Variants in ROBO3 observed in about 807,000 individuals in gnomAD.
ROBO3 encodes the protein roundabout homolog 3.
In ROBO3, 97 loss-of-function variants were observed where a neutral mutation model predicts 160.5. The ratio of observed to expected loss-of-function variants is 0.60; its 90% CI spans 0.51 to 0.72. ROBO3 has a LOEUF of 0.72. Among genes scored for constraint, ROBO3 ranks in the 30% least tolerant of loss-of-function variants. The probability of loss-of-function intolerance (pLI) is 0.00; values close to 1 mark genes in which losing one functional copy is unlikely to be tolerated. For synonymous variants in ROBO3, 780 were observed against 746.2 expected (o/e 1.05, Z -0.74); for missense variants, 1,858 against 1,846.5 (o/e 1.01, Z -0.11).
In ROBO3 at chr11:124,869,250, G is replaced by C; in HGVS notation, c.487+122G>C. 1 of 1,203,216 alleles carries C rather than the reference G, an allele frequency of 8.3e-7. No individual in the cohort carries two copies. Among genetic ancestry groups the C allele is most frequent in the Non-Finnish European group, 1.2e-6 (1 of 843,266 alleles). 74.5% of individuals were successfully genotyped at this position (1,203,216 alleles called of 1,614,324 possible). Reference sequence around the variant, plus strand: ...CAGCCCACTCAGCATCCTTCTTTGGGACCGCGACCTTTGATCTCTAATGGC... The same window carrying C: ...CAGCCCACTCAGCATCCTTCTTTGGCACCGCGACCTTTGATCTCTAATGGC... On this transcript the variant is annotated intron_variant, in intron 2 of 27. Transcript: ENST00000397801. The surrounding 1 kb of genome is among the most constrained non-coding windows in gnomAD (Gnocchi z 4.2).
chr11:124,871,279 G>A, intron 7 of ROBO3, 141 bp downstream of exon 7: 1 of 1,003,370 alleles, frequency 1.0e-6, no homozygotes, highest in Non-Finnish European at 1.4e-6. Flanking sequence ...TTATTTGAGA[G>A]GATTAAGTAA....
At position 124,876,849 on chromosome 11, in the gene ROBO3, G is replaced by T; in HGVS notation, c.2780-312G>T. 1.8e-6 allele frequency: 1 copy of T among 564,882 alleles called. No homozygotes were observed. The highest frequency in any genetic ancestry group is 3.1e-6 in the Non-Finnish European group (1 of 317,726). The allele number at this position is 564,882 out of a possible 1,614,324, so 35.0% of individuals were successfully genotyped here. On this transcript the variant is annotated intron_variant, in intron 17 of 27. Transcript: ENST00000397801. The surrounding 1 kb of genome is among the most constrained non-coding windows in gnomAD (Gnocchi z 5.3). ...TTGTGCGGCGGGGTCTGGATGGAAA[G>T]GCGGGGCCCGCTGAAAGAAGGCGAT...
Position 124,878,529 on chromosome 11 carries a change from G to A in ROBO3, c.3321-55G>A. Reference sequence around the variant, plus strand: ...GGAGGGGGCAGCAGGAAGGCCAACGGGAAGGTATGGAAGCAGCTGAGCCCT... The same window carrying A: ...GGAGGGGGCAGCAGGAAGGCCAACGAGAAGGTATGGAAGCAGCTGAGCCCT... On this transcript the variant is annotated intron_variant, in intron 22 of 27. Coordinates refer to ENST00000397801, the MANE Select transcript of ROBO3 (RefSeq NM_022370.4). This position sits in a 1 kb window ranked among gnomAD's most constrained non-coding sequence, Gnocchi z 4.3. 1 of 1,600,406 alleles carries A rather than the reference G, an allele frequency of 6.2e-7. No homozygotes were observed. The highest frequency in any genetic ancestry group is 8.5e-7 in the Non-Finnish European group (1 of 1,171,378).
rs908587897 is a variant in ROBO3, at chr11:124,877,423, C to G, written c.2847-96C>G. The G allele has an allele frequency of 5.1e-5, 81 of 1,590,146 alleles. No individual in the cohort carries two copies. The East Asian group carries it at 1.7e-3, about 34-fold the overall frequency. On this transcript the variant is annotated intron_variant, in intron 19 of 27. Coordinates refer to ENST00000397801, the MANE Select transcript of ROBO3 (RefSeq NM_022370.4). ...TGGCCACCTCCCACCCCAACACCAC[C>G]GCCACTGTCCTGAAACTCCCGAATA...
In ROBO3 at chr11:124,875,392, G is replaced by C. The variant is rs142193878; in HGVS notation, c.2299+56G>C. The stretch of plus-strand genomic sequence containing the variant: ...CAAGAGGGAAGAAGGGGTGGGGGTG[G>C]AGGTGGAGGGGGGATGAAAATTTGC... On this transcript the variant is annotated intron_variant, in intron 14 of 27. Transcript: ENST00000397801. The C allele has an allele frequency of 3.0e-4, 284 of 932,756 alleles. No individual in the cohort carries two copies. The African/African-American group carries it at 4.3e-3, about 14-fold the overall frequency. The allele number at this position is 932,756 out of a possible 1,614,324, so 57.8% of individuals were successfully genotyped here. A position where few individuals can be genotyped will look rare whatever the true frequency, so the allele number is the denominator to read the frequency against.
chr11:124,869,429 G>GCGCCCCC lies in ROBO3; in HGVS notation c.488-20_488-19insGCCCCCC. The GCGCCCCC allele has an allele frequency of 7.7e-7, 1 of 1,295,762 alleles. No homozygotes were observed. The highest frequency in any genetic ancestry group is 1.1e-6 in the Non-Finnish European group (1 of 929,940). The allele number at this position is 1,295,762 out of a possible 1,614,324, so 80.3% of individuals were successfully genotyped here. ...TGTCACTCTACACCCTGCTTATTTC[G>GCGCCCCC]CCCCCCACCGCCCCGCCCAGTCCTC... is the stretch of plus-strand genomic sequence containing the variant. On this transcript the variant is annotated intron_variant, in intron 2 of 27. Transcript: ENST00000397801. This position sits in a 1 kb window ranked among gnomAD's most constrained non-coding sequence, Gnocchi z 4.2.
chr11:124,870,372 G>C (rs749315447), intron 5 of ROBO3, 69 bp downstream of exon 5: 2 of 1,546,944 alleles, frequency 1.3e-6, no homozygotes, highest in Non-Finnish European at 1.7e-6. Context: ...CTAGAAAACC[G>C]GAAGACAGGC....
chr11:124,869,474 C>T lies in ROBO3; in HGVS notation c.512C>T (p.Ser171Phe). ...VAVLRDDFRQ[S>F]PGNVVVAVGE... ...GTCCTCCGTGATGATTTCCGGCAGT[C>T]TCCTGGAAACGTGGTGGTGGCAGTG... The change falls in exon 3 of 28, where the codon TCT becomes TTT. Residue 171 changes from serine (S) to phenylalanine (F), a missense_variant. Coordinates refer to ENST00000397801, the MANE Select transcript of ROBO3 (RefSeq NM_022370.4). This position sits in a 1 kb window ranked among gnomAD's most constrained non-coding sequence, Gnocchi z 4.2. The T allele has an allele frequency of 6.8e-7, 1 of 1,463,104 alleles. No individual in the cohort carries two copies. The allele number at this position is 1,463,104 out of a possible 1,614,324, so 90.6% of individuals were successfully genotyped here.
chr11:124,880,764 G>A (rs906029117), intron 27 of ROBO3, among the ~76,000 whole-genome samples, 156 bp downstream of exon 27: 1 of 152,176 alleles, frequency 6.6e-6, no homozygotes, highest in Non-Finnish European at 1.5e-5. Context: ...CTGTAGAAGT[G>A]ACAAGGGGAC....
Position 124,869,997 on chromosome 11 carries a change from G to C in ROBO3, c.695G>C (p.Gly232Ala), listed in dbSNP as rs368285913. The change falls in exon 4 of 28, where the codon GGC (glycine) becomes GCC (alanine). Residue 232 changes from glycine (G) to alanine (A), a missense_variant. By Grantham distance (60) the Gly-to-Ala change is moderately conservative. Coordinates refer to ENST00000397801, the MANE Select transcript of ROBO3 (RefSeq NM_022370.4). This position sits in a 1 kb window ranked among gnomAD's most constrained non-coding sequence, Gnocchi z 4.2. ...TCACATACACTCAAGAGCGATGCAG[G>C]CATGTATGTGTGCGTAGCCTCCAAC... ...MMSHTLKSDAGMYVCVASNMA... is the reference protein window; with the variant it reads ...MMSHTLKSDAAMYVCVASNMA... 5.6e-6 allele frequency: 9 copies of C among 1,613,850 alleles called. No individual in the cohort carries two copies. The highest frequency in any genetic ancestry group is 7.6e-6 in the Non-Finnish European group (9 of 1,179,782).
In ROBO3 at chr11:124,881,329, G is replaced by T; in HGVS notation, c.*79G>T. The T allele has an allele frequency of 7.1e-7, 1 of 1,400,668 alleles. No homozygotes were observed. The highest frequency in any genetic ancestry group is 9.9e-7 in the Non-Finnish European group (1 of 1,006,836). The allele number at this position is 1,400,668 out of a possible 1,614,324, so 86.8% of individuals were successfully genotyped here. A position where few individuals can be genotyped will look rare whatever the true frequency, so the allele number is the denominator to read the frequency against. On this transcript the variant is annotated 3_prime_UTR_variant, in exon 28 of 28. Transcript: ENST00000397801. ...ATGTCTTTTCCCCCCCAGCAGTGAT[G>T]AGTGGGGCTAGCTGAAGCCCATTGG...
At position 124,876,299 on chromosome 11, in the gene ROBO3, G is replaced by T; in HGVS notation, c.2618G>T (p.Gly873Val). ...GCGTCCCCGCCGGACCTGGAGCCCG[G>T]GCTGGAGGTGGGCGCGGGGCTGGCG... ...QLPSPPDLEP[G>V]LEVGAGLAVR... Residue 873 changes from glycine to valine, a missense_variant, in exon 17 of 28, where the codon GGG (glycine) becomes GTG (valine). Coordinates refer to ENST00000397801, the MANE Select transcript of ROBO3 (RefSeq NM_022370.4). The surrounding 1 kb of genome is among the most constrained non-coding windows in gnomAD (Gnocchi z 5.3). The T allele has an allele frequency of 1.4e-6, 2 of 1,458,722 alleles. No individual in the cohort carries two copies. The highest frequency in any genetic ancestry group is 1.8e-6 in the Non-Finnish European group (2 of 1,118,170). The allele number at this position is 1,458,722 out of a possible 1,614,324, so 90.4% of individuals were successfully genotyped here.
Position 124,878,553 on chromosome 11 carries a change from C to G in ROBO3, c.3321-31C>G. ...GGGAAGGTATGGAAGCAGCTGAGCC[C>G]TTTCCTTCTCTCCTGCCTCTTTGAT... On this transcript the variant is annotated intron_variant, in intron 22 of 27. Transcript: ENST00000397801. This position sits in a 1 kb window ranked among gnomAD's most constrained non-coding sequence, Gnocchi z 4.3. 6.2e-7 allele frequency: 1 copy of G among 1,605,870 alleles called. No homozygotes were observed. The highest frequency in any genetic ancestry group is 8.5e-7 in the Non-Finnish European group (1 of 1,175,800).
rs757448201 is a variant in ROBO3, at chr11:124,877,959, A to G, written c.3009A>G (p.Leu1003=). ...CAGAAGCGGGAATCTCCCTGTATCT[A>G]GCTCAGACGGCCAGGGGCACGGCCG... ...YYNEAGISLY[L]AQTARGTAAP... The change falls in exon 21 of 28, where the codon CTA becomes CTG. Residue 1003 remains leucine, a synonymous_variant. Transcript: ENST00000397801. The G allele has an allele frequency of 6.2e-7, 1 of 1,608,006 alleles. No individual in the cohort carries two copies. Among genetic ancestry groups the G allele is most frequent in the East Asian group, 2.2e-5 (1 of 44,740 alleles).
rs534006028 is a variant in ROBO3, at chr11:124,881,418, C to G, written c.*168C>G. The stretch of plus-strand genomic sequence containing the variant: ...GCTCCTCCCTTTCTTTCTTTTTCCA[C>G]CTGAGACTTGTTTATAAAAAACAAA... On this transcript the variant is annotated 3_prime_UTR_variant, in exon 28 of 28. Transcript: ENST00000397801. The G allele has an allele frequency of 1.4e-5, 9 of 649,672 alleles. No individual in the cohort carries two copies. In the East Asian group the frequency reaches 2.2e-4, roughly 16 times the overall value. 40.2% of individuals were successfully genotyped at this position (649,672 alleles called of 1,614,324 possible). A position where few individuals can be genotyped will look rare whatever the true frequency, so the allele number is the denominator to read the frequency against.
At chr11:124,868,429 G>A in intron 1 of ROBO3, 1 of 558,578 alleles carries the variant, frequency 1.8e-6, no homozygotes, top group Non-Finnish European at 3.2e-6. Context: ...TGCAGGTGGA[G>A]ATGGAAACCA....
At chr11:124,879,132 A>T in intron 23 of ROBO3, 58 bp from the exon 24 acceptor site, 5 of 1,522,164 alleles carry the variant, frequency 3.3e-6, no homozygotes, top group Non-Finnish European at 4.4e-6. Flanking sequence ...TGCCAGGCAC[A>T]TAGTAGGCAT....
chr11:124,872,327 T>G lies in ROBO3; in HGVS notation c.1159-54T>G. On this transcript the variant is annotated intron_variant, in intron 7 of 27. Coordinates refer to ENST00000397801, the MANE Select transcript of ROBO3 (RefSeq NM_022370.4). The surrounding 1 kb of genome is among the most constrained non-coding windows in gnomAD (Gnocchi z 4.3). ...TGAGATTGACAGGAATGGGGACCTCTCCCTGCCCAGCTGCCTGCTCATTCC... is the reference window on the plus strand; with the variant it reads ...TGAGATTGACAGGAATGGGGACCTCGCCCTGCCCAGCTGCCTGCTCATTCC... 1 of 1,530,178 alleles carries G rather than the reference T, an allele frequency of 6.5e-7. No individual in the cohort carries two copies. Among genetic ancestry groups the G allele is most frequent in the Non-Finnish European group, 9.1e-7 (1 of 1,103,896 alleles). 94.8% of individuals were successfully genotyped at this position (1,530,178 alleles called of 1,614,324 possible).
Position 124,874,775 on chromosome 11 carries a change from C to T in ROBO3, c.1952-13C>T, listed in dbSNP as rs1946328243. 2 of 1,603,708 alleles carry T rather than the reference C, an allele frequency of 1.2e-6. No individual in the cohort carries two copies. The highest frequency in any genetic ancestry group is 1.7e-6 in the Non-Finnish European group (2 of 1,175,280). ...CCTGGTGGCCTCTGCTGAATGGGTT[C>T]CTTGGTCAACAGATAGCAGCCCCTC... is the stretch of plus-strand genomic sequence containing the variant. On this transcript the variant is annotated splice_polypyrimidine_tract_variant and intron_variant, in intron 12 of 27. Coordinates refer to ENST00000397801, the MANE Select transcript of ROBO3 (RefSeq NM_022370.4).
Sources: allele counts gnomAD v4.1 joint callset (sites outside exome capture counted in the v4.1 genomes callset), GRCh38; gene constraint gnomAD v4.1.1; non-coding constraint Gnocchi (gnomAD v3.1); transcripts MANE v1.5; gene names NCBI Gene and HGNC (gene_info 2026-07-23, HGNC 2026-07-21).